The following SCOC variants were observed in gnomAD, a reference collection of about 807,000 sequenced individuals.
The protein encoded by SCOC is short coiled-coil protein, also known as short coiled coil protein.
Under a neutral mutation model 9.9 loss-of-function variants are expected in SCOC, and 7 were observed. That is an observed-to-expected ratio of 0.71 (90% CI 0.40 to 1.33). SCOC has a LOEUF of 1.33. SCOC is among the 40% of genes most tolerant of loss of function. SCOC has a pLI of 0.01. For synonymous variants in SCOC, 19 were observed against 28.2 expected (o/e 0.67, Z 1.03); for missense variants, 66 against 89.7 (o/e 0.74, Z 1.07).
At chr4:140,353,554 G>A (rs947335730) in intron 2 of SCOC, among the ~76,000 whole-genome samples, 1 of 152,058 alleles carries the variant, frequency 6.6e-6, no homozygotes, top group Non-Finnish European at 1.5e-5. Flanking sequence ...GGGATTATGG[G>A]TGCACGCCAC....
intron 2 of SCOC, among the ~76,000 whole-genome samples, chr4:140,347,311 C>G (rs927660692): frequency 1.2e-4 from 19 of 152,092 alleles, no homozygotes; most frequent in African/African-American, 4.6e-4. Flanking sequence ...GCACCATAAA[C>G]TAAGATAGTT....
chr4:140,270,875 T>G (rs943254599), intron 1 of SCOC, among the ~76,000 whole-genome samples: 3 of 152,172 alleles, frequency 2.0e-5, no homozygotes, highest in African/African-American at 7.2e-5. Flanking sequence ...ACAATTACCC[T>G]ATATTTCAGA....
rs2271430 is a variant in SCOC at position 140,373,660 on chromosome 4, G to C, written c.-108G>C. 0.098 allele frequency: 151,556 copies of C among 1,551,286 alleles called. 7,773 individuals carry two copies. The highest frequency in any genetic ancestry group is 0.17 in the East Asian group (6,823 of 40,886). On this transcript the variant is annotated 5_prime_UTR_variant, in exon 1 of 4. Coordinates refer to ENST00000608372, the MANE Select transcript of SCOC (RefSeq NM_001153484.2). ...GAGCTGCCGGGGTCAGTTGGTCCAAGTGTCCCGGCCTGAGGTGTCGGCCGG... is the reference window on the plus strand; with the variant it reads ...GAGCTGCCGGGGTCAGTTGGTCCAACTGTCCCGGCCTGAGGTGTCGGCCGG...
At chr4:140,266,475 C>A (rs543617445) in intron 1 of SCOC, among the ~76,000 whole-genome samples, 1 of 152,126 alleles carries the variant, frequency 6.6e-6, no homozygotes, top group East Asian at 1.9e-4. Flanking sequence ...TAAGGGCACC[C>A]CAGAGAGTGA....
At chr4:140,309,498 C>T (rs1402353103) in intron 1 of SCOC, among the ~76,000 whole-genome samples, 3 of 152,190 alleles carry the variant, frequency 2.0e-5, no homozygotes, top group Non-Finnish European at 4.4e-5. Flanking sequence ...GGCATTGTCA[C>T]ATCCTGTACT....
At chr4:140,285,139 T>C (rs777916750) in intron 1 of SCOC, 2 of 456,280 alleles carry the variant, frequency 4.4e-6, no homozygotes, top group Non-Finnish European at 8.8e-6. Flanking sequence ...GTCTCAAAGC[T>C]TGTATATGAA....
At chr4:140,283,291 C>G (rs985313770) in intron 1 of SCOC, among the ~76,000 whole-genome samples, 1 of 152,168 alleles carries the variant, frequency 6.6e-6, no homozygotes. Context: ...AGACCAGCTG[C>G]TCAATTGATC....
chr4:140,296,018 G>C (rs1000045911), intron 1 of SCOC, among the ~76,000 whole-genome samples: 30 of 150,808 alleles, frequency 2.0e-4, no homozygotes, highest in African/African-American at 6.1e-4. Context: ...CCCTGTCACA[G>C]ACCTATTTAC....
chr4:140,373,698 C>T lies in SCOC; in HGVS notation c.-70C>T. On this transcript the variant is annotated 5_prime_UTR_variant, in exon 1 of 4. Coordinates refer to ENST00000608372, the MANE Select transcript of SCOC (RefSeq NM_001153484.2). ...AGGTGTCGGCCGGATCCCTCCTTCTCCCGGCGCCTCAAGCGGAAGGTGAGG... is the reference window on the plus strand; with the variant it reads ...AGGTGTCGGCCGGATCCCTCCTTCTTCCGGCGCCTCAAGCGGAAGGTGAGG... 1 of 1,549,258 alleles carries T rather than the reference C, an allele frequency of 6.5e-7. No homozygotes were observed. The highest frequency in any genetic ancestry group is 8.7e-7 in the Non-Finnish European group (1 of 1,146,854).
At chr4:140,318,771 A>G (rs1195876414) in intron 1 of SCOC, among the ~76,000 whole-genome samples, 1 of 151,476 alleles carries the variant, frequency 6.6e-6, no homozygotes. Context: ...CTATAAAGAC[A>G]CATGCACACG....
upstream of SCOC, chr4:140,373,470 C>T: frequency 6.5e-7 from 1 of 1,550,104 alleles, no homozygotes; most frequent in African/African-American, 1.4e-5. Context: ...TGTCAGTGTC[C>T]TTTTGTTATG....
At chr4:140,379,702 T>C in intron 3 of SCOC, 50 bp downstream of exon 3, 3 of 1,361,160 alleles carry the variant, frequency 2.2e-6, no homozygotes, top group Non-Finnish European at 3.1e-6. Context: ...TTAATTGAAC[T>C]TGTAAAAATT....
intron 1 of SCOC, among the ~76,000 whole-genome samples, chr4:140,319,047 C>T (rs17005741): frequency 0.11 from 17,002 of 152,088 alleles, 1,395 homozygotes; most frequent in African/African-American, 0.23. Flanking sequence ...TTATTGTAAA[C>T]GCTCTAAGTT....
chr4:140,359,794 G>C (rs1003075422), intron 2 of SCOC, among the ~76,000 whole-genome samples: 6 of 152,118 alleles, frequency 3.9e-5, no homozygotes, highest in Non-Finnish European at 5.9e-5. Context: ...CAGATGCTTT[G>C]TACTCTCTCT....
chr4:140,380,560 A>AC (rs1221094165), intron 3 of SCOC, among the ~76,000 whole-genome samples: 1 of 152,094 alleles, frequency 6.6e-6, no homozygotes, highest in African/African-American at 2.4e-5. Context: ...TAATGTTACA[A>AC]TACAAGATGA....
chr4:140,268,335 C>T (rs1376756991), intron 1 of SCOC, among the ~76,000 whole-genome samples: 2 of 152,158 alleles, frequency 1.3e-5, no homozygotes, highest in South Asian at 2.1e-4. Flanking sequence ...GTTTCCATCA[C>T]GTCAAATTCC....
At chr4:140,258,750 C>T (rs1730565772) in intron 1 of SCOC, among the ~76,000 whole-genome samples, 1 of 152,214 alleles carries the variant, frequency 6.6e-6, no homozygotes. Context: ...CTTGCATTTT[C>T]TTCCCTTAGG....
At chr4:140,333,949 GCT>G (rs552695801) in intron 1 of SCOC, among the ~76,000 whole-genome samples, 33 of 152,056 alleles carry the variant, frequency 2.2e-4, no homozygotes, top group Non-Finnish European at 4.3e-4. Flanking sequence ...AAAGCGTTTT[GCT>G]CTGTCACTGA....
chr4:140,359,449 T>C (rs1337009935), intron 2 of SCOC, among the ~76,000 whole-genome samples: 3 of 152,156 alleles, frequency 2.0e-5, no homozygotes, highest in East Asian at 3.8e-4. Context: ...CTTTTTATGA[T>C]TGATTCTTAG....
Sources: gnomAD v4.1 joint callset for allele counts (sites outside exome capture counted in the v4.1 genomes callset) on GRCh38, gnomAD v4.1.1 for gene constraint, MANE v1.5 for transcripts, NCBI Gene and HGNC (gene_info 2026-07-23, HGNC 2026-07-21) for gene names.